ABCG1: variants seen among roughly 807,000 people sequenced by gnomAD.
ABCG1 encodes the protein ATP-binding cassette sub-family G member 1.
A neutral mutation model predicts 69.2 loss-of-function variants in ABCG1; 29 were observed. The observed-to-expected ratio is 0.42, with a 90% CI of 0.31 to 0.57. The LOEUF is 0.57. Ranked by LOEUF, ABCG1 falls within the 20% of genes least tolerant of loss-of-function variation. ABCG1 has a pLI of 0.15. For synonymous variants in ABCG1, 370 were observed against 374.8 expected, an observed-to-expected ratio of 0.99 and a Z score of 0.15; for missense variants, 718 against 898.1, an observed-to-expected ratio of 0.80 and a Z score of 2.56.
intron 2 of ABCG1, 29 bp downstream of exon 2, chr21:42,225,943 A>G: frequency 1.2e-6 from 2 of 1,602,188 alleles, no homozygotes; most frequent in Non-Finnish European, 1.7e-6. Flanking sequence ...TTGTGTATCA[A>G]GCTGGGAGGA....
At chr21:42,242,745 G>A (rs987392118) in intron 2 of ABCG1, among the ~76,000 whole-genome samples, 1 of 152,138 alleles carries the variant, frequency 6.6e-6, no homozygotes, top group Non-Finnish European at 1.5e-5. Context: ...ACCATGAACC[G>A]GGGCAGTGAA....
chr21:42,294,837 AAC>A (rs966948903), intron 14 of ABCG1, 177 bp downstream of exon 14: 426 of 601,078 alleles, frequency 7.1e-4, no homozygotes, highest in East Asian at 1.3e-3. Flanking sequence ...TACCCTCACC[AAC>A]ACACACACAC....
intron 14 of ABCG1, among the ~76,000 whole-genome samples, chr21:42,295,782 A>G (rs373578687): frequency 6.6e-6 from 1 of 152,188 alleles, no homozygotes; most frequent in Non-Finnish European, 1.5e-5. Flanking sequence ...GGGGGCAGGA[A>G]TGTTTCATAT....
intron 1 of ABCG1, among the ~76,000 whole-genome samples, chr21:42,224,837 TC>T (rs764647828): frequency 2.6e-4 from 39 of 152,344 alleles, no homozygotes; most frequent in Non-Finnish European, 5.0e-4. Flanking sequence ...ACTTCTGGGT[TC>T]TTGGCAATCA....
At chr21:42,212,429 T>C (rs2067597758), upstream of ABCG1, among the ~76,000 whole-genome samples, 1 of 151,370 alleles carries the variant, frequency 6.6e-6, no homozygotes, top group Non-Finnish European at 1.5e-5. Context: ...AGAATGCTGA[T>C]AGAAGTATGG....
At chr21:42,204,513 T>A (rs1026171230) in intron 2 of ABCG1, among the ~76,000 whole-genome samples, 5 of 152,230 alleles carry the variant, frequency 3.3e-5, no homozygotes, top group Admixed American at 2.6e-4. Context: ...TTTTTTCCTC[T>A]TTTATCTATT....
chr21:42,270,258 T>TAAAAA (rs1345217216), intron 2 of ABCG1, among the ~76,000 whole-genome samples: 1 of 34,848 alleles, frequency 2.9e-5, no homozygotes, highest in African/African-American at 1.9e-4. Flanking sequence ...AGACTCAGTC[T>TAAAAA]CAAAAAAAAA....
intron 6 of ABCG1, among the ~76,000 whole-genome samples, chr21:42,284,146 C>A (rs1475009146): frequency 3.1e-4 from 1 of 3,196 alleles, no homozygotes; most frequent in Non-Finnish European, 6.7e-4. Context: ...AAGTCCCCCC[C>A]GCCCAGATGA....
intron 2 of ABCG1, among the ~76,000 whole-genome samples, chr21:42,202,870 C>T (rs1345520303): frequency 2.0e-5 from 3 of 152,172 alleles, no homozygotes; most frequent in African/African-American, 7.2e-5. Flanking sequence ...GCCTCAGCCT[C>T]CCAAAGTGCT....
At chr21:42,227,937 G>A (rs372136362) in intron 2 of ABCG1, among the ~76,000 whole-genome samples, 5 of 152,194 alleles carry the variant, frequency 3.3e-5, no homozygotes, top group Middle Eastern at 3.4e-3. Flanking sequence ...TGAGGGAACC[G>A]CCCCCAGGAT....
chr21:42,217,386 C>T (rs571323588), upstream of ABCG1, among the ~76,000 whole-genome samples: 78 of 152,270 alleles, frequency 5.1e-4, no homozygotes, highest in African/African-American at 1.2e-3. Flanking sequence ...TGCCTCCTCT[C>T]GTGCTCCAGG....
chr21:42,205,086 T>C (rs968818954), intron 2 of ABCG1, among the ~76,000 whole-genome samples: 3 of 151,996 alleles, frequency 2.0e-5, no homozygotes, highest in Non-Finnish European at 2.9e-5. Flanking sequence ...ATTCAAATAG[T>C]CTGTTTATAT....
At chr21:42,268,018 G>T (rs2068545587) in intron 2 of ABCG1, among the ~76,000 whole-genome samples, 1 of 152,184 alleles carries the variant, frequency 6.6e-6, no homozygotes, top group African/African-American at 2.4e-5. Context: ...CTCTGGTCTG[G>T]GCTACCATCT....
At chr21:42,266,822 C>A (rs527868471) in intron 2 of ABCG1, among the ~76,000 whole-genome samples, 2 of 152,262 alleles carry the variant, frequency 1.3e-5, no homozygotes, top group East Asian at 3.9e-4. Context: ...ATTAGGGCCC[C>A]AAGAAGATAC....
chr21:42,228,545 T>A (rs2067853565), intron 2 of ABCG1, among the ~76,000 whole-genome samples: 1 of 151,976 alleles, frequency 6.6e-6, no homozygotes, highest in South Asian at 2.1e-4. Context: ...GAGACAAAGG[T>A]GGTTAAGGGA....
intron 2 of ABCG1, among the ~76,000 whole-genome samples, chr21:42,253,791 A>G (rs2068260270): frequency 6.6e-6 from 1 of 151,992 alleles, no homozygotes; most frequent in Non-Finnish European, 1.5e-5. Context: ...TTGGGATTAT[A>G]GGGAAGTGAG....
intron 8 of ABCG1, among the ~76,000 whole-genome samples, chr21:42,286,930 C>G (rs760628877): frequency 1.3e-5 from 2 of 152,126 alleles, no homozygotes; most frequent in African/African-American, 2.4e-5. Context: ...GTGCTGTAGG[C>G]TCGTTTGGAG....
chr21:42,251,908 G>A (rs188825389), intron 2 of ABCG1, among the ~76,000 whole-genome samples: 12 of 152,358 alleles, frequency 7.9e-5, no homozygotes, highest in Admixed American at 3.3e-4. Context: ...GAGGCCCAAG[G>A]CTTGCATGTG....
intron 2 of ABCG1, among the ~76,000 whole-genome samples, chr21:42,252,163 C>G (rs1016239645): frequency 6.6e-6 from 1 of 152,182 alleles, no homozygotes; most frequent in East Asian, 1.9e-4. Context: ...GAGCTGTTGG[C>G]TGTCATTCTT....
Sources: gnomAD v4.1 joint callset for allele counts (sites outside exome capture counted in the v4.1 genomes callset) on GRCh38, gnomAD v4.1.1 for gene constraint, MANE v1.5 for transcripts, NCBI Gene and HGNC (gene_info 2026-07-23, HGNC 2026-07-21) for gene names.